The following PCSK2 variants were observed in gnomAD, a reference collection of about 807,000 sequenced individuals.
The protein encoded by PCSK2 is proprotein convertase subtilisin/kexin type 2.
A neutral mutation model predicts 69.7 loss-of-function variants in PCSK2; 14 were observed. The ratio of observed to expected loss-of-function variants is 0.20; its 90% CI spans 0.13 to 0.31. The LOEUF is 0.31. Among genes scored for constraint, PCSK2 ranks in the 10% least tolerant of loss-of-function variants. The pLI is 1.00. For synonymous variants in PCSK2, 307 were observed against 320.7 expected (o/e 0.96, Z 0.46); for missense variants, 544 against 842.5 (o/e 0.65, Z 4.39).
chr20:17,435,365 A>C (rs2032463583), intron 7 of PCSK2, among the ~76,000 whole-genome samples: 1 of 152,206 alleles, frequency 6.6e-6, no homozygotes, highest in Admixed American at 6.5e-5. Flanking sequence ...TGAAACACGC[A>C]AATAAGTAGT....
intron 5 of PCSK2, among the ~76,000 whole-genome samples, chr20:17,400,535 G>A (rs143095830): frequency 3.9e-5 from 6 of 151,956 alleles, no homozygotes; most frequent in East Asian, 1.9e-4. Flanking sequence ...TACAAAATAC[G>A]CACTCCATAT....
intron 5 of PCSK2, among the ~76,000 whole-genome samples, chr20:17,405,299 T>G (rs2031728434): frequency 6.6e-6 from 1 of 152,186 alleles, no homozygotes; most frequent in Non-Finnish European, 1.5e-5. Flanking sequence ...GACGTATTTG[T>G]CTAGGGCAGC....
intron 3 of PCSK2, among the ~76,000 whole-genome samples, chr20:17,360,222 A>G (rs1814795533): frequency 6.6e-6 from 1 of 152,234 alleles, no homozygotes; most frequent in Non-Finnish European, 1.5e-5. Flanking sequence ...GTTTCCTGCA[A>G]TAGCAGCTCT....
chr20:17,336,926 T>A (rs1158937838), intron 2 of PCSK2, among the ~76,000 whole-genome samples: 3 of 152,166 alleles, frequency 2.0e-5, no homozygotes, highest in Non-Finnish European at 4.4e-5. Context: ...ATGACAACAA[T>A]GTTCTGTCTT....
intron 1 of PCSK2, among the ~76,000 whole-genome samples, chr20:17,256,564 T>C (rs1987183964): frequency 6.6e-6 from 1 of 152,158 alleles, no homozygotes; most frequent in African/African-American, 2.4e-5. Context: ...TTGTTGTTTC[T>C]AGGTTTTGTT....
chr20:17,372,503 G>A (rs1600529244), intron 5 of PCSK2, among the ~76,000 whole-genome samples: 1 of 152,054 alleles, frequency 6.6e-6, no homozygotes, highest in South Asian at 2.1e-4. Flanking sequence ...GAAGTTTGAT[G>A]GCCACTGGTG....
At chr20:17,325,469 T>G (rs1990015468) in intron 2 of PCSK2, among the ~76,000 whole-genome samples, 1 of 152,234 alleles carries the variant, frequency 6.6e-6, no homozygotes, top group South Asian at 2.1e-4. Context: ...ATCACCTTGA[T>G]TACATGTTCC....
chr20:17,289,581 A>G (rs928549393), intron 2 of PCSK2, among the ~76,000 whole-genome samples: 2 of 152,188 alleles, frequency 1.3e-5, no homozygotes, highest in Non-Finnish European at 2.9e-5. Context: ...CAACACATCA[A>G]TTAGTCTGTA....
rs539438432 is a variant in PCSK2, at chr20:17,466,105, T to C, written c.1430+552T>C. Among the ~76,000 whole-genome samples the C allele has an allele frequency of 6.7e-4, 102 of 152,310 alleles. 1 individual carries two copies. Among genetic ancestry groups the C allele is most frequent in the Middle Eastern group, 3.4e-3 (1 of 294 alleles). On this transcript the variant is annotated intron_variant, in intron 11 of 11. Coordinates refer to ENST00000262545, the MANE Select transcript of PCSK2 (RefSeq NM_002594.5). ...ACTGTTTCAGTGATGTATGCCATTA[T>C]TTCTAAGGGCACAAATCAACCACTA...
chr20:17,459,934 T>C (rs534965911), intron 10 of PCSK2, among the ~76,000 whole-genome samples: 5 of 152,318 alleles, frequency 3.3e-5, no homozygotes, highest in Admixed American at 2.0e-4. Context: ...TAGGTGTTGG[T>C]ATTCAGTCAA....
Position 17,482,342 on chromosome 20 carries a change from GAAAAAAAAA to G in PCSK2, c.*285_*293del, listed in dbSNP as rs11472008. On this transcript the variant is annotated 3_prime_UTR_variant, in exon 12 of 12. Coordinates refer to ENST00000262545, the MANE Select transcript of PCSK2 (RefSeq NM_002594.5). The stretch of plus-strand genomic sequence containing the variant: ...CTGTCATTCAAATGGGTGATATCCT[GAAAAAAAAA>G]AAAAAAAAAAAACTGGGACAGCTTT... 1 of 106,522 alleles carries G rather than the reference GAAAAAAAAA, an allele frequency of 9.4e-6. No individual in the cohort carries two copies. Among genetic ancestry groups the G allele is most frequent in the Admixed American group, 1.1e-4 (1 of 8,720 alleles). The allele number at this position is 106,522 out of a possible 1,614,324, so 6.6% of individuals were successfully genotyped here. A position where few individuals can be genotyped will look rare whatever the true frequency, so the allele number is the denominator to read the frequency against.
intron 5 of PCSK2, among the ~76,000 whole-genome samples, chr20:17,388,324 A>G (rs1226586624): frequency 1.2e-4 from 19 of 152,178 alleles, no homozygotes; most frequent in Non-Finnish European, 2.5e-4. Context: ...TGCCTGCTAA[A>G]GAGACAGATT....
At position 17,281,807 on chromosome 20, in the gene PCSK2, C is replaced by G. The variant is rs558161575; in HGVS notation, c.282+21463C>G. On this transcript the variant is annotated intron_variant, in intron 2 of 11. Transcript: ENST00000262545. ...AGGAATGGGAATGTTTCTGAACCCT[C>G]TGGAAAGTGCCCTGCCACTCTCACC... Among the ~76,000 whole-genome samples, 102 of 152,314 alleles carry G rather than the reference C, an allele frequency of 6.7e-4. 1 individual carries two copies. The highest frequency in any genetic ancestry group is 2.4e-3 in the African/African-American group (101 of 41,568).
chr20:17,338,047 A>C (rs1446832945), intron 2 of PCSK2, among the ~76,000 whole-genome samples: 1 of 151,764 alleles, frequency 6.6e-6, no homozygotes, highest in Non-Finnish European at 1.5e-5. Flanking sequence ...ACTTGGGTTC[A>C]GGTCAGGCAG....
At chr20:17,393,227 C>T (rs1052251308) in intron 5 of PCSK2, among the ~76,000 whole-genome samples, 5 of 152,040 alleles carry the variant, frequency 3.3e-5, no homozygotes, top group Admixed American at 1.3e-4. Flanking sequence ...TTTTAGGTCT[C>T]GTGTCAAGCT....
At chr20:17,315,729 G>A (rs1007437421) in intron 2 of PCSK2, among the ~76,000 whole-genome samples, 18 of 152,332 alleles carry the variant, frequency 1.2e-4, no homozygotes, top group African/African-American at 4.1e-4. Context: ...AGAGAAGCCT[G>A]GCTTGGGGGT....
chr20:17,399,106 G>C (rs990747799), intron 5 of PCSK2, among the ~76,000 whole-genome samples: 1 of 152,234 alleles, frequency 6.6e-6, no homozygotes, highest in Non-Finnish European at 1.5e-5. Context: ...GAAGTCAACA[G>C]TCTATGGAAT....
At chr20:17,470,337 A>G (rs2033178656) in intron 11 of PCSK2, among the ~76,000 whole-genome samples, 1 of 152,204 alleles carries the variant, frequency 6.6e-6, no homozygotes, top group Non-Finnish European at 1.5e-5. Context: ...AAATAGCAAC[A>G]TGTGGCTGGT....
intron 2 of PCSK2, among the ~76,000 whole-genome samples, chr20:17,357,434 C>T (rs1243500887): frequency 5.9e-5 from 9 of 152,184 alleles, no homozygotes; most frequent in Non-Finnish European, 1.0e-4. Context: ...GATTCTCAAA[C>T]GTGATAGCAC....
Sources: gnomAD v4.1 joint callset for allele counts (sites outside exome capture counted in the v4.1 genomes callset) on GRCh38, gnomAD v4.1.1 for gene constraint, MANE v1.5 for transcripts, NCBI Gene and HGNC (gene_info 2026-07-23, HGNC 2026-07-21) for gene names.